Variants in SPOCK1 observed in about 807,000 individuals in gnomAD.
SPOCK1 encodes testican-1.
In SPOCK1, 23 loss-of-function variants were observed where a neutral mutation model predicts 55.3. That is an observed-to-expected ratio of 0.42 (90% CI 0.30 to 0.59). The LOEUF (loss-of-function observed/expected upper bound fraction) is 0.59, where lower values mean the gene tolerates loss of function less well. Among genes scored for constraint, SPOCK1 ranks in the 20% least tolerant of loss-of-function variants. The pLI is 0.22. For synonymous variants in SPOCK1, 226 were observed against 221.0 expected, an observed-to-expected ratio of 1.02 and a Z score of -0.20; for missense variants, 499 against 552.5, an observed-to-expected ratio of 0.90 and a Z score of 0.97.
chr5:137,037,940 G>A (rs1751915785), intron 6 of SPOCK1, among the ~76,000 whole-genome samples: 1 of 152,186 alleles, frequency 6.6e-6, no homozygotes, highest in South Asian at 2.1e-4. Context: ...GGCCATATCA[G>A]ATTTGTCATA....
chr5:137,277,913 C>T (rs1260186244), intron 2 of SPOCK1, among the ~76,000 whole-genome samples: 1 of 152,120 alleles, frequency 6.6e-6, no homozygotes, highest in East Asian at 1.9e-4. Flanking sequence ...TTTGTGTGCC[C>T]TGAACTGAGC....
Position 136,978,851 on chromosome 5 carries a change from G to T in SPOCK1, c.1130-7C>A. ...GAGGTTTCCTGCTCCTCTTCTGAAAGATTAAAAAAAGCATTGAGGTTAGTT... is the reference window on the plus strand; with the variant it reads ...GAGGTTTCCTGCTCCTCTTCTGAAATATTAAAAAAAGCATTGAGGTTAGTT... On this transcript the variant is annotated splice_polypyrimidine_tract_variant and splice_region_variant and intron_variant, in intron 10 of 10. Coordinates refer to ENST00000394945, the MANE Select transcript of SPOCK1 (RefSeq NM_004598.4). 6.3e-7 allele frequency: 1 copy of T among 1,596,598 alleles called. No homozygotes were observed. Among genetic ancestry groups the T allele is most frequent in the East Asian group, 2.2e-5 (1 of 44,740 alleles).
At chr5:137,330,254 T>C (rs1364228506) in intron 2 of SPOCK1, among the ~76,000 whole-genome samples, 1 of 152,188 alleles carries the variant, frequency 6.6e-6, no homozygotes, top group African/African-American at 2.4e-5. Context: ...ATGGAAACTA[T>C]AATTGCAATT....
intron 2 of SPOCK1, among the ~76,000 whole-genome samples, chr5:137,280,723 T>G (rs543506692): frequency 1.3e-5 from 2 of 152,334 alleles, no homozygotes; most frequent in South Asian, 4.1e-4. Context: ...CAAAATTACA[T>G]TCTCTTGCAA....
chr5:137,206,917 G>A (rs1248177186), intron 3 of SPOCK1, among the ~76,000 whole-genome samples: 3 of 152,346 alleles, frequency 2.0e-5, no homozygotes, highest in South Asian at 2.1e-4. Flanking sequence ...AAAGGGACAC[G>A]ATGATGATGA....
intron 2 of SPOCK1, among the ~76,000 whole-genome samples, chr5:137,486,593 C>T (rs1395034052): frequency 1.3e-5 from 2 of 152,096 alleles, no homozygotes; most frequent in East Asian, 1.9e-4. Flanking sequence ...TATGAACACA[C>T]GAATAAACAA....
At position 136,977,811 on chromosome 5, in the gene SPOCK1, C is replaced by T. The variant is rs1016299885; in HGVS notation, c.*843G>A. On this transcript the variant is annotated 3_prime_UTR_variant, in exon 11 of 11. Transcript: ENST00000394945. ...AGAAGAGACTTCCTCAGCCTGCAGG[C>T]TACAAGAGCCAACTGTTAGTGCAAA... 1.3e-5 allele frequency: 5 copies of T among 398,874 alleles called. No individual in the cohort carries two copies. The Admixed American group carries it at 2.2e-4, about 18-fold the overall frequency. The allele number at this position is 398,874 out of a possible 1,614,324, so 24.7% of individuals were successfully genotyped here.
intron 6 of SPOCK1, among the ~76,000 whole-genome samples, chr5:137,022,197 C>G (rs998296205): frequency 1.5e-4 from 23 of 152,262 alleles, no homozygotes; most frequent in African/African-American, 5.5e-4. Flanking sequence ...CTAGCTCTGC[C>G]TGTCTCTGGA....
In SPOCK1 at chr5:136,995,638, T is replaced by A. The variant is rs143100540; in HGVS notation, c.590-3038A>T. Among the ~76,000 whole-genome samples the A allele has an allele frequency of 6.6e-5, 10 of 152,268 alleles. No individual in the cohort carries two copies. The East Asian group carries it at 1.9e-3, about 29-fold the overall frequency. On this transcript the variant is annotated intron_variant, in intron 6 of 10. Transcript: ENST00000394945. ...CTAAATGTTCTCTGAACAGAGAAAATTGCCAAGTCAACATGCAGAGGAAAT... is the reference window on the plus strand; with the variant it reads ...CTAAATGTTCTCTGAACAGAGAAAAATGCCAAGTCAACATGCAGAGGAAAT...
At chr5:137,283,977 G>A (rs1473330833) in intron 2 of SPOCK1, among the ~76,000 whole-genome samples, 1 of 152,186 alleles carries the variant, frequency 6.6e-6, no homozygotes, top group African/African-American at 2.4e-5. Flanking sequence ...ACCTACAACA[G>A]GAAGCAAATG....
At chr5:137,132,147 C>A (rs1753898227) in intron 4 of SPOCK1, among the ~76,000 whole-genome samples, 1 of 129,000 alleles carries the variant, frequency 7.8e-6, no homozygotes. Context: ...TGCACTCCAG[C>A]CTGGGCAACA....
chr5:137,105,281 C>T (rs1753343176), intron 5 of SPOCK1, among the ~76,000 whole-genome samples: 1 of 152,154 alleles, frequency 6.6e-6, no homozygotes, highest in Non-Finnish European at 1.5e-5. Context: ...TAGTCAGAAG[C>T]AAGGCCCTCA....
chr5:137,347,592 G>A (rs111568699), intron 2 of SPOCK1, among the ~76,000 whole-genome samples: 7 of 152,166 alleles, frequency 4.6e-5, no homozygotes, highest in Admixed American at 6.5e-5. Context: ...GTGGTGGCAC[G>A]GGCCTGTTAG....
At chr5:137,405,119 C>T (rs992898464) in intron 2 of SPOCK1, among the ~76,000 whole-genome samples, 3 of 152,118 alleles carry the variant, frequency 2.0e-5, no homozygotes, top group Non-Finnish European at 4.4e-5. Context: ...CCTGAGAAAC[C>T]CCACCTAAGA....
chr5:136,982,045 G>A (rs1374802216), intron 9 of SPOCK1, among the ~76,000 whole-genome samples: 1 of 152,116 alleles, frequency 6.6e-6, no homozygotes, highest in African/African-American at 2.4e-5. Context: ...TATTCAGTAC[G>A]ATAAAATGGT....
intron 2 of SPOCK1, among the ~76,000 whole-genome samples, chr5:137,418,066 G>T (rs1460368227): frequency 6.6e-6 from 1 of 152,058 alleles, no homozygotes; most frequent in African/African-American, 2.4e-5. Flanking sequence ...TTGATTTGTT[G>T]TCCTTGTGAT....
At chr5:137,294,343 T>C (rs1163991401) in intron 2 of SPOCK1, among the ~76,000 whole-genome samples, 2 of 152,212 alleles carry the variant, frequency 1.3e-5, no homozygotes, top group Admixed American at 1.3e-4. Flanking sequence ...ATACTGTGCA[T>C]TATAAGTCTC....
At chr5:137,130,754 C>T (rs1160743010) in intron 4 of SPOCK1, among the ~76,000 whole-genome samples, 4 of 152,232 alleles carry the variant, frequency 2.6e-5, no homozygotes, top group Admixed American at 2.6e-4. Context: ...ACAGCACCTC[C>T]AGCTGTGGAC....
At chr5:136,988,293 G>A (rs1175356196) in intron 8 of SPOCK1, 129 bp downstream of exon 8, 5 of 687,658 alleles carry the variant, frequency 7.3e-6, no homozygotes, top group Admixed American at 2.8e-5. Context: ...TTTGGGCCTG[G>A]CATTAAATGG....
Sources: gnomAD v4.1 joint callset for allele counts (sites outside exome capture counted in the v4.1 genomes callset) on GRCh38, gnomAD v4.1.1 for gene constraint, MANE v1.5 for transcripts, NCBI Gene and HGNC (gene_info 2026-07-23, HGNC 2026-07-21) for gene names.